The following ZNF423 variants were observed in gnomAD, a reference collection of about 807,000 sequenced individuals.
ZNF423 encodes the protein Ebf-associated zinc finger protein.
In ZNF423, 12 loss-of-function variants were observed where a neutral mutation model predicts 95.8. The ratio of observed to expected loss-of-function variants is 0.13; its 90% CI spans 0.08 to 0.20. The LOEUF (loss-of-function observed/expected upper bound fraction) is 0.20. Ranked by LOEUF, ZNF423 falls within the 10% of genes least tolerant of loss-of-function variation. The probability of loss-of-function intolerance (pLI) is 1.00; values close to 1 mark genes in which losing one functional copy is unlikely to be tolerated. For synonymous variants in ZNF423, 749 were observed against 711.9 expected (o/e 1.05, Z -0.83); for missense variants, 1,316 against 1,737.1 (o/e 0.76, Z 4.31).
At chr16:49,552,041 T>C (rs932972880) in intron 5 of ZNF423, among the ~76,000 whole-genome samples, 1 of 152,248 alleles carries the variant, frequency 6.6e-6, no homozygotes, top group African/African-American at 2.4e-5. Flanking sequence ...ATATGGGCTT[T>C]TGGCTTCTCT....
intron 5 of ZNF423, among the ~76,000 whole-genome samples, chr16:49,544,366 C>G (rs1181496143): frequency 6.6e-6 from 1 of 152,144 alleles, no homozygotes; most frequent in Admixed American, 6.5e-5. Context: ...TCTCTCTGAA[C>G]GTACGCTATA....
chr16:49,795,718 C>T (rs2034489315), intron 1 of ZNF423, among the ~76,000 whole-genome samples: 1 of 152,210 alleles, frequency 6.6e-6, no homozygotes, highest in African/African-American at 2.4e-5. Flanking sequence ...CGGGCTCAAT[C>T]TTAAGACTCC....
chr16:49,574,783 C>A (rs1312832042), intron 5 of ZNF423, among the ~76,000 whole-genome samples: 1 of 152,190 alleles, frequency 6.6e-6, no homozygotes, highest in Non-Finnish European at 1.5e-5. Context: ...GGGAGAGCAC[C>A]AGGCCTTCTG....
intron 5 of ZNF423, among the ~76,000 whole-genome samples, chr16:49,608,096 C>T (rs1050469099): frequency 2.6e-5 from 4 of 152,240 alleles, no homozygotes; most frequent in Non-Finnish European, 5.9e-5. Context: ...TCCTGGTCTA[C>T]ACTATGAGTG....
intron 3 of ZNF423, among the ~76,000 whole-genome samples, chr16:49,725,167 G>A (rs760720917): frequency 4.1e-4 from 62 of 152,306 alleles, no homozygotes; most frequent in Non-Finnish European, 7.5e-4. Flanking sequence ...AGGATTGCCT[G>A]AGGCCAGGAG....
At chr16:49,834,420 G>A (rs1168031309) in intron 1 of ZNF423, among the ~76,000 whole-genome samples, 1 of 152,184 alleles carries the variant, frequency 6.6e-6, no homozygotes, top group Non-Finnish European at 1.5e-5. Context: ...AGGGTTGGTG[G>A]AGTTCCCCAA....
At chr16:49,505,488 C>G (rs1967594493) in intron 7 of ZNF423, among the ~76,000 whole-genome samples, 1 of 152,086 alleles carries the variant, frequency 6.6e-6, no homozygotes, top group Admixed American at 6.5e-5. Context: ...AAAACATGGC[C>G]CATCAACCCC....
intron 5 of ZNF423, among the ~76,000 whole-genome samples, chr16:49,592,832 C>A (rs1284326028): frequency 6.6e-6 from 1 of 152,246 alleles, no homozygotes; most frequent in African/African-American, 2.4e-5. Flanking sequence ...ATTTTAGATC[C>A]ATTTCTAACA....
At chr16:49,679,891 C>T (rs932301318) in intron 3 of ZNF423, among the ~76,000 whole-genome samples, 1 of 152,246 alleles carries the variant, frequency 6.6e-6, no homozygotes, top group African/African-American at 2.4e-5. Context: ...CACTTCCTCC[C>T]TTCTGAAGCC....
At chr16:49,772,703 A>C (rs566062037) in intron 2 of ZNF423, among the ~76,000 whole-genome samples, 1 of 152,252 alleles carries the variant, frequency 6.6e-6, no homozygotes, top group Non-Finnish European at 1.5e-5. Flanking sequence ...CCATACATCA[A>C]GCATGTGGGA....
At chr16:49,828,774 G>A (rs1297298063) in intron 1 of ZNF423, among the ~76,000 whole-genome samples, 2 of 152,224 alleles carry the variant, frequency 1.3e-5, no homozygotes, top group Non-Finnish European at 2.9e-5. Flanking sequence ...CACGCAGAAA[G>A]GCCATCATCT....
At chr16:49,609,857 C>T (rs1971665754) in intron 5 of ZNF423, among the ~76,000 whole-genome samples, 1 of 152,066 alleles carries the variant, frequency 6.6e-6, no homozygotes, top group African/African-American at 2.4e-5. Context: ...AAGGAATAAA[C>T]ACAAGGAAAT....
At chr16:49,762,805 C>A (rs1488807487) in intron 2 of ZNF423, among the ~76,000 whole-genome samples, 1 of 152,200 alleles carries the variant, frequency 6.6e-6, no homozygotes, top group African/African-American at 2.4e-5. Context: ...ACCAGCCCAA[C>A]GCTTGGTCTT....
chr16:49,596,968 G>A (rs931603959), intron 5 of ZNF423, among the ~76,000 whole-genome samples: 5 of 152,232 alleles, frequency 3.3e-5, no homozygotes, highest in Admixed American at 6.5e-5. Context: ...TTTCGGCCAC[G>A]TGGCTCCTCT....
chr16:49,772,245 CAA>C (rs1448360566), intron 2 of ZNF423, among the ~76,000 whole-genome samples: 4 of 152,236 alleles, frequency 2.6e-5, no homozygotes, highest in African/African-American at 9.6e-5. Context: ...CCAGCTCAAA[CAA>C]AGAGAACAAA....
chr16:49,848,670 C>G lies in ZNF423; in HGVS notation c.40+7065G>C, dbSNP rs554410872. On this transcript the variant is annotated intron_variant, in intron 1 of 7. Coordinates refer to ENST00000563137, the MANE Select transcript of ZNF423 (RefSeq NM_001379286.1). ...ATGACATGAACATCTGCTTTCACTT[C>G]AAGACATTAATTTTCAATTATTGGA... Among the ~76,000 whole-genome samples the G allele has an allele frequency of 5.3e-5, 8 of 152,282 alleles. No homozygotes were observed. The East Asian group carries it at 1.5e-3, about 29-fold the overall frequency.
intron 2 of ZNF423, among the ~76,000 whole-genome samples, chr16:49,773,257 T>A (rs140054167): frequency 4.7e-4 from 71 of 151,840 alleles, no homozygotes; most frequent in African/African-American, 1.7e-3. Flanking sequence ...AGGCGAAAAT[T>A]GCAGTGAGCC....
intron 5 of ZNF423, among the ~76,000 whole-genome samples, chr16:49,607,930 A>G (rs897429368): frequency 1.3e-5 from 2 of 152,214 alleles, no homozygotes; most frequent in Admixed American, 1.3e-4. Context: ...CCATATGGCC[A>G]GTGGAATTTC....
chr16:49,815,912 ATATTTTT>A (rs2034846018), intron 1 of ZNF423, among the ~76,000 whole-genome samples: 6 of 36,718 alleles, frequency 1.6e-4, no homozygotes, highest in African/African-American at 5.9e-4. Flanking sequence ...ATATATATAT[ATATTTTT>A]TTTTTTTTTT....
Sources: allele counts gnomAD v4.1 joint callset (sites outside exome capture counted in the v4.1 genomes callset), GRCh38; gene constraint gnomAD v4.1.1; transcripts MANE v1.5; gene names NCBI Gene and HGNC (gene_info 2026-07-23, HGNC 2026-07-21).